Variants in EPHB6 observed in about 807,000 individuals in gnomAD.
The protein encoded by EPHB6 is ephrin type-B receptor 6.
A neutral mutation model predicts 107.0 loss-of-function variants in EPHB6; 51 were observed. The observed-to-expected ratio is 0.48, with a 90% CI of 0.38 to 0.60. The LOEUF is 0.60. Ranked by LOEUF, EPHB6 falls within the 20% of genes least tolerant of loss-of-function variation. EPHB6 has a pLI of 0.00. For missense variants in EPHB6, 1,141 were observed against 1,355.5 expected (o/e 0.84, Z 2.48); for synonymous variants, 553 against 549.0 (o/e 1.01, Z -0.10).
Position 142,866,103 on chromosome 7 carries a change from C to A in EPHB6, c.1249C>A (p.Pro417Thr). Reference protein sequence around the residue: ...VCKECEGRQEPASGGGGTCHR... With the variant: ...VCKECEGRQETASGGGGTCHR... ...CAAGGAGTGTGAAGGCCGCCAGGAA[C>A]CTGCCAGCGGTGGTGGGGGCACTTG... Residue 417 changes from proline (P) to threonine (T), a missense_variant, in exon 9 of 20, where the codon CCT (proline) becomes ACT (threonine). Physicochemically the swap from Pro to Thr is conservative, Grantham distance 38 (BLOSUM62 -1). Transcript: ENST00000652003. This position sits in a 1 kb window ranked among gnomAD's most constrained non-coding sequence, Gnocchi z 5.2. 1 of 1,612,752 alleles carries A rather than the reference C, an allele frequency of 6.2e-7. No individual in the cohort carries two copies. The highest frequency in any genetic ancestry group is 1.3e-5 in the African/African-American group (1 of 75,038).
In EPHB6 at chr7:142,864,684, T is replaced by C. The variant is rs1286454978; in HGVS notation, c.884T>C (p.Val295Ala). 2 of 1,612,782 alleles carry C rather than the reference T, an allele frequency of 1.2e-6. No homozygotes were observed. The highest frequency in any genetic ancestry group is 1.7e-5 in the Admixed American group (1 of 60,006). The change falls in exon 7 of 20, where the codon GTA becomes GCA. Residue 295 changes from valine (V) to alanine (A), a missense_variant. Coordinates refer to ENST00000652003, the MANE Select transcript of EPHB6 (RefSeq NM_004445.6). The stretch of plus-strand genomic sequence containing the variant: ...TGCAACGGGGAGGGCAAGTGGATGG[T>C]AGCTGTCGGGGGCTGCCGCTGCCAG... Reference protein sequence around the residue: ...LHCNGEGKWMVAVGGCRCQPG... With the variant: ...LHCNGEGKWMAAVGGCRCQPG...
intron 7 of EPHB6, 55 bp from the exon 8 acceptor site, chr7:142,865,420 T>G: frequency 6.2e-7 from 1 of 1,609,244 alleles, no homozygotes. Context: ...TGTTGGGAGC[T>G]CAGGGTGGGT....
chr7:142,865,675 G>A, intron 8 of EPHB6, 45 bp downstream of exon 8: 1 of 1,605,148 alleles, frequency 6.2e-7, no homozygotes, highest in Non-Finnish European at 8.5e-7. Context: ...GACTTGGAGA[G>A]GGGCCAGAAG....
chr7:142,864,955 C>G (rs545517861), intron 7 of EPHB6, among the ~76,000 whole-genome samples: 1 of 152,358 alleles, frequency 6.6e-6, no homozygotes, highest in Non-Finnish European at 1.5e-5. Flanking sequence ...CTGGAATCTT[C>G]TGGAGCCTTT....
In EPHB6 at chr7:142,856,292, T is replaced by C. The variant is rs558369926; in HGVS notation, c.-432+907T>C. Among the ~76,000 whole-genome samples the C allele has an allele frequency of 2.6e-5, 4 of 152,302 alleles. No individual in the cohort carries two copies. The South Asian group carries it at 6.2e-4, about 24-fold the overall frequency. On this transcript the variant is annotated intron_variant, in intron 1 of 19. Transcript: ENST00000652003. ...TGCCCAAGTAAGGGGCATTGGAGCATTGAGGCTTCTGAGTGCTGCTCAGTG... is the reference window on the plus strand; with the variant it reads ...TGCCCAAGTAAGGGGCATTGGAGCACTGAGGCTTCTGAGTGCTGCTCAGTG...
In EPHB6 at chr7:142,866,090, A is replaced by T. The variant is rs369638181; in HGVS notation, c.1236A>T (p.Glu412Asp). 5 of 1,611,728 alleles carry T rather than the reference A, an allele frequency of 3.1e-6. No individual in the cohort carries two copies. In the African/African-American group the frequency reaches 6.7e-5, roughly 22 times the overall value. Reference sequence around the variant, plus strand: ...TCAATGTCGTGTGCAAGGAGTGTGAAGGCCGCCAGGAACCTGCCAGCGGTG... The same window carrying T: ...TCAATGTCGTGTGCAAGGAGTGTGATGGCCGCCAGGAACCTGCCAGCGGTG... ...LLFNVVCKEC[E>D]GRQEPASGGG... The change falls in exon 9 of 20, where the codon GAA (glutamate) becomes GAT (aspartate). Residue 412 changes from glutamate (E) to aspartate (D), a missense_variant. This residue lies in a region of EPHB6 where 304 missense variants were observed against 295.7 expected (regional missense o/e 1.03). Transcript: ENST00000652003. This position sits in a 1 kb window ranked among gnomAD's most constrained non-coding sequence, Gnocchi z 5.2.
rs1802572133 is a variant in EPHB6 at position 142,855,701 on chromosome 7, C to T, written c.-432+316C>T. ...CTTGGGAGTCCTAATCTGGGAGGGT[C>T]CTCGCAGAGACGGAGCTCCACGCTT... On this transcript the variant is annotated intron_variant, in intron 1 of 19. Transcript: ENST00000652003. The surrounding 1 kb of genome is among the most constrained non-coding windows in gnomAD (Gnocchi z 4.2). 6.6e-6 allele frequency among the ~76,000 whole-genome samples: 1 copy of T among 152,154 alleles called. No individual in the cohort carries two copies. The highest frequency in any genetic ancestry group is 2.1e-4 in the South Asian group (1 of 4,832).
chr7:142,867,889 G>A lies in EPHB6; in HGVS notation c.1866-108G>A, dbSNP rs1271947939. 4.7e-6 allele frequency: 7 copies of A among 1,503,756 alleles called. No homozygotes were observed. The highest frequency in any genetic ancestry group is 6.3e-6 in the Non-Finnish European group (7 of 1,106,124). 93.2% of individuals were successfully genotyped at this position (1,503,756 alleles called of 1,614,324 possible). On this transcript the variant is annotated intron_variant, in intron 12 of 19. Coordinates refer to ENST00000652003, the MANE Select transcript of EPHB6 (RefSeq NM_004445.6). The surrounding 1 kb of genome is among the most constrained non-coding windows in gnomAD (Gnocchi z 5.3). ...TGGAGATGGGCAGGAGGGCCAGGCT[G>A]TCGTCCCCCCTCCACAGACCGACTA...
rs1316128473 is a variant in EPHB6, at chr7:142,869,166, G to A, written c.2460+19G>A. 2 of 1,609,124 alleles carry A rather than the reference G, an allele frequency of 1.2e-6. No individual in the cohort carries two copies. Among genetic ancestry groups the A allele is most frequent in the Admixed American group, 3.3e-5 (2 of 59,916 alleles). Reference sequence around the variant, plus strand: ...TCCTCAGGTGAGAGCACAGCCTTGGGGACACAGCCTGGGGCCTTGTGGCAT... The same window carrying A: ...TCCTCAGGTGAGAGCACAGCCTTGGAGACACAGCCTGGGGCCTTGTGGCAT... On this transcript the variant is annotated intron_variant, in intron 16 of 19. Coordinates refer to ENST00000652003, the MANE Select transcript of EPHB6 (RefSeq NM_004445.6). This position sits in a 1 kb window ranked among gnomAD's most constrained non-coding sequence, Gnocchi z 4.5.
rs2116450716 is a variant in EPHB6, at chr7:142,866,619, G to A, written c.1587+14G>A. ...TACTATGACCAGGTGCGCAGGAGGA[G>A]TGGGGGTTCCGCAGTAGGGCTGGTA... On this transcript the variant is annotated intron_variant, in intron 10 of 19. Transcript: ENST00000652003. The surrounding 1 kb of genome is among the most constrained non-coding windows in gnomAD (Gnocchi z 5.2). 1 of 1,613,890 alleles carries A rather than the reference G, an allele frequency of 6.2e-7. No homozygotes were observed. Among genetic ancestry groups the A allele is most frequent in the Non-Finnish European group, 8.5e-7 (1 of 1,180,012 alleles).
Position 142,866,415 on chromosome 7 carries a change from CCCCT to C in EPHB6, c.1463-64_1463-61del. On this transcript the variant is annotated intron_variant, in intron 9 of 19. Coordinates refer to ENST00000652003, the MANE Select transcript of EPHB6 (RefSeq NM_004445.6). The surrounding 1 kb of genome is among the most constrained non-coding windows in gnomAD (Gnocchi z 5.2). ...CAGCCTGGTCCACCCCTGCCGCCCT[CCCCT>C]CAAGGCTGATCCTGCTCCCAGGGAC... is the stretch of plus-strand genomic sequence containing the variant. The C allele has an allele frequency of 6.2e-7, 1 of 1,612,744 alleles. No individual in the cohort carries two copies. Among genetic ancestry groups the C allele is most frequent in the South Asian group, 1.1e-5 (1 of 91,066 alleles).
At position 142,866,615 on chromosome 7, in the gene EPHB6, A is replaced by G. The variant is rs149928854; in HGVS notation, c.1587+10A>G. On this transcript the variant is annotated intron_variant, in intron 10 of 19. Transcript: ENST00000652003. This position sits in a 1 kb window ranked among gnomAD's most constrained non-coding sequence, Gnocchi z 5.2. ...CCGCTACTATGACCAGGTGCGCAGG[A>G]GGAGTGGGGGTTCCGCAGTAGGGCT... The G allele has an allele frequency of 6.0e-4, 969 of 1,613,878 alleles. 11 individuals are homozygous for G. The African/African-American group carries it at 9.6e-3, about 16-fold the overall frequency.
chr7:142,861,404 T>C (rs1321091451), intron 2 of EPHB6, among the ~76,000 whole-genome samples: 1 of 152,138 alleles, frequency 6.6e-6, no homozygotes, highest in African/African-American at 2.4e-5. Context: ...CATGCAAGAG[T>C]TTAAGAATGC....
At position 142,869,526 on chromosome 7, in the gene EPHB6, T is replaced by C. The variant is rs1201657774; in HGVS notation, c.2461-291T>C. ...TTCTCTAAGCTTCACCTTCTGCTTC[T>C]GTGAAATGGAGATAATATCATCCAC... On this transcript the variant is annotated intron_variant, in intron 16 of 19. Transcript: ENST00000652003. This position sits in a 1 kb window ranked among gnomAD's most constrained non-coding sequence, Gnocchi z 4.5. Among the ~76,000 whole-genome samples the C allele has an allele frequency of 1.3e-5, 2 of 152,220 alleles. No individual in the cohort carries two copies. The highest frequency in any genetic ancestry group is 2.9e-5 in the Non-Finnish European group (2 of 68,038).
Position 142,870,280 on chromosome 7 carries a change from C to T in EPHB6, c.2677C>T (p.Leu893=), listed in dbSNP as rs1239753043. 6.2e-7 allele frequency: 1 copy of T among 1,614,236 alleles called. No individual in the cohort carries two copies. Among genetic ancestry groups the T allele is most frequent in the Admixed American group, 1.7e-5 (1 of 60,030 alleles). The change falls in exon 18 of 20, where the codon CTA becomes TTA. Residue 893 remains leucine (L), a synonymous_variant. Transcript: ENST00000652003. ...TCCAGGCTGTCCTCCTGGATTACATCTACTTATGTTGGACACTTGGCAGAA... is the reference window on the plus strand; with the variant it reads ...TCCAGGCTGTCCTCCTGGATTACATTTACTTATGTTGGACACTTGGCAGAA... ...PPPGCPPGLH[L]LMLDTWQKDR... is the part of the protein sequence containing the mutation.
Position 142,869,349 on chromosome 7 carries a change from G to C in EPHB6, c.2460+202G>C, listed in dbSNP as rs982254753. Among the ~76,000 whole-genome samples, 4 of 152,250 alleles carry C rather than the reference G, an allele frequency of 2.6e-5. 1 individual carries two copies. Among genetic ancestry groups the C allele is most frequent in the South Asian group, 4.1e-4 (2 of 4,828 alleles). ...AGGGATTTCAGGGACCGAGACAAAGGGGATGAGGGAGGGGAGGAGACCTGC... is the reference window on the plus strand; with the variant it reads ...AGGGATTTCAGGGACCGAGACAAAGCGGATGAGGGAGGGGAGGAGACCTGC... On this transcript the variant is annotated intron_variant, in intron 16 of 19. Coordinates refer to ENST00000652003, the MANE Select transcript of EPHB6 (RefSeq NM_004445.6). The surrounding 1 kb of genome is among the most constrained non-coding windows in gnomAD (Gnocchi z 4.5).
chr7:142,869,880 T>G lies in EPHB6; in HGVS notation c.2524T>G (p.Ser842Ala). The G allele has an allele frequency of 1.2e-6, 2 of 1,614,210 alleles. No individual in the cohort carries two copies. Among genetic ancestry groups the G allele is most frequent in the Non-Finnish European group, 8.5e-7 (1 of 1,180,048 alleles). ...CATTGCACATGGAAAGCATACAACA[T>G]CCAGTGATGTCTGGAGCTTTGGGAT... is the stretch of plus-strand genomic sequence containing the variant. ...EVIAHGKHTT[S>A]SDVWSFGILM... The change falls in exon 17 of 20, where the codon TCC (serine) becomes GCC (alanine). Residue 842 changes from serine (S) to alanine (A), a missense_variant. Ser to Ala is a moderately conservative substitution (Grantham distance 99, BLOSUM62 1). Around this residue, in one of 3 missense-constraint regions of EPHB6, gnomAD observed 616 missense variants for 759.3 expected, o/e 0.81. Coordinates refer to ENST00000652003, the MANE Select transcript of EPHB6 (RefSeq NM_004445.6). This position sits in a 1 kb window ranked among gnomAD's most constrained non-coding sequence, Gnocchi z 4.5.
intron 6 of EPHB6, 47 bp from the exon 7 acceptor site, chr7:142,863,919 G>T (rs8177139): frequency 0.98 from 1,574,712 of 1,613,842 alleles, 768,954 homozygotes; most frequent in East Asian, 0.99. Flanking sequence ...CTACCTCGCC[G>T]TGCTTAAGCC....
intron 1 of EPHB6, among the ~76,000 whole-genome samples, chr7:142,858,710 T>G (rs747192984): frequency 6.6e-6 from 1 of 151,594 alleles, no homozygotes; most frequent in Non-Finnish European, 1.5e-5. Flanking sequence ...CCTCCCAAAG[T>G]GAAATATTTC....
Sources: gnomAD v4.1 joint callset for allele counts (sites outside exome capture counted in the v4.1 genomes callset) on GRCh38, gnomAD v4.1.1 for gene constraint, gnomAD v4.1.1 regional missense constraint, Gnocchi (gnomAD v3.1) non-coding constraint, MANE v1.5 for transcripts, NCBI Gene and HGNC (gene_info 2026-07-23, HGNC 2026-07-21) for gene names.